DPP6: variants seen among roughly 807,000 people sequenced by gnomAD.
DPP6 encodes the protein dipeptidyl peptidase like 6.
A neutral mutation model predicts 122.6 loss-of-function variants in DPP6; 69 were observed. The observed-to-expected ratio is 0.56, with a 90% CI of 0.46 to 0.69. The LOEUF (loss-of-function observed/expected upper bound fraction) is 0.69, where lower values mean the gene tolerates loss of function less well. DPP6 is among the 30% of genes least tolerant of loss of function. The pLI is 0.00. For synonymous variants in DPP6, 418 were observed against 433.1 expected (o/e 0.97, Z 0.43); for missense variants, 928 against 1,116.9 (o/e 0.83, Z 2.41).
intron 1 of DPP6, among the ~76,000 whole-genome samples, chr7:154,114,268 C>T (rs2069194345): frequency 6.6e-6 from 1 of 152,084 alleles, no homozygotes; most frequent in Admixed American, 6.6e-5. Context: ...TTATCCATGG[C>T]AGAATCATGG....
At chr7:154,449,324 T>C (rs1398322814) in intron 2 of DPP6, among the ~76,000 whole-genome samples, 1 of 152,140 alleles carries the variant, frequency 6.6e-6, no homozygotes, top group African/African-American at 2.4e-5. Context: ...TATGAAAAGA[T>C]GCTCAACATC....
Position 154,454,001 on chromosome 7 carries a change from A to AT in DPP6, c.358+7682dup, listed in dbSNP as rs776161590. Among the ~76,000 whole-genome samples the AT allele has an allele frequency of 4.0e-3, 600 of 151,634 alleles. 5 individuals carry two copies. The highest frequency in any genetic ancestry group is 4.7e-3 in the Non-Finnish European group (316 of 67,876). ...CATAAAAAGTAATGCATACCTCCTA[A>AT]TTTTTTTTTGTCTTGTAGAAATAGA... On this transcript the variant is annotated intron_variant, in intron 2 of 25. Coordinates refer to ENST00000377770, the MANE Select transcript of DPP6 (RefSeq NM_130797.4).
chr7:154,725,913 C>G (rs770840480), intron 7 of DPP6, among the ~76,000 whole-genome samples: 1 of 152,102 alleles, frequency 6.6e-6, no homozygotes. Flanking sequence ...AGAAACTGGC[C>G]AAAACAAAGG....
At chr7:154,641,151 C>T (rs1363915255) in intron 6 of DPP6, among the ~76,000 whole-genome samples, 1 of 152,164 alleles carries the variant, frequency 6.6e-6, no homozygotes, top group African/African-American at 2.4e-5. Flanking sequence ...GCTGTGACCT[C>T]TATAGCTGGG....
chr7:154,646,357 C>A (rs1316246098), intron 6 of DPP6, among the ~76,000 whole-genome samples: 1 of 152,086 alleles, frequency 6.6e-6, no homozygotes, highest in African/African-American at 2.4e-5. Context: ...CTCCCAAACC[C>A]GGAATGTGTT....
chr7:154,584,599 G>A (rs879387643), intron 5 of DPP6, among the ~76,000 whole-genome samples: 2 of 152,216 alleles, frequency 1.3e-5, no homozygotes, highest in African/African-American at 2.4e-5. Context: ...TGTTTGCCAC[G>A]TCGCTCGGGA....
At chr7:154,216,112 T>C (rs1799979711) in intron 1 of DPP6, among the ~76,000 whole-genome samples, 1 of 152,154 alleles carries the variant, frequency 6.6e-6, no homozygotes, top group Non-Finnish European at 1.5e-5. Context: ...TCTCTGAGCA[T>C]CTGAACAGAG....
At chr7:154,767,450 G>C (rs1456540400) in intron 8 of DPP6, among the ~76,000 whole-genome samples, 2 of 152,136 alleles carry the variant, frequency 1.3e-5, no homozygotes, top group Non-Finnish European at 2.9e-5. Flanking sequence ...TCTGCATAAA[G>C]TCACTTCTGA....
chr7:154,364,177 A>T (rs1010186830), intron 1 of DPP6, among the ~76,000 whole-genome samples: 2 of 152,242 alleles, frequency 1.3e-5, no homozygotes, highest in Non-Finnish European at 2.9e-5. Flanking sequence ...CAAACTCATC[A>T]TAAGTATAAG....
intron 1 of DPP6, among the ~76,000 whole-genome samples, chr7:153,894,190 C>CAAGAATG (rs762208108): frequency 1.3e-5 from 2 of 152,124 alleles, no homozygotes; most frequent in Non-Finnish European, 2.9e-5. Context: ...TTGGGTATGA[C>CAAGAATG]AAGAATGACC....
chr7:154,884,683 AAGCACACATGATCACACAG>A (rs1805963451), intron 21 of DPP6: 1 of 148,852 alleles, frequency 6.7e-6, no homozygotes, highest in South Asian at 2.1e-4. Flanking sequence ...GCTCACACAC[AAGCACACATGATCACACAG>A]GCACACATGA....
rs980487643 is a variant in DPP6, at chr7:154,088,446, G to A, written c.243+35383G>A. 6.1e-5 allele frequency among the ~76,000 whole-genome samples: 9 copies of A among 147,582 alleles called. No individual in the cohort carries two copies. In the South Asian group the frequency reaches 8.8e-4, roughly 14 times the overall value. On this transcript the variant is annotated intron_variant, in intron 1 of 25. Transcript: ENST00000377770. ...TTGGCTTCCAAACACCATGACTTGC[G>A]GGAGCCCCGTTCCCTGCTCATCAGT...
chr7:154,314,804 T>A (rs1321148076), intron 1 of DPP6, among the ~76,000 whole-genome samples: 1 of 152,058 alleles, frequency 6.6e-6, no homozygotes, highest in Non-Finnish European at 1.5e-5. Context: ...AAATATAATA[T>A]GCCAAGAAGA....
the DPP6 span, among the ~76,000 whole-genome samples, chr7:153,804,301 C>G: frequency 6.6e-6 from 1 of 152,088 alleles, no homozygotes; most frequent in African/African-American, 2.4e-5. Context: ...ATCCACCTGC[C>G]TTGGCCTCCC....
At chr7:154,302,362 C>T (rs1274971929) in intron 1 of DPP6, among the ~76,000 whole-genome samples, 4 of 152,194 alleles carry the variant, frequency 2.6e-5, no homozygotes, top group East Asian at 1.9e-4. Context: ...CAGGATATCT[C>T]GCTCTTTTGT....
At chr7:154,122,513 C>G (rs1585422167) in intron 1 of DPP6, among the ~76,000 whole-genome samples, 1 of 152,232 alleles carries the variant, frequency 6.6e-6, no homozygotes, top group Non-Finnish European at 1.5e-5. Flanking sequence ...CTATCACTTA[C>G]TAGCTGAGTG....
At chr7:153,852,918 TAAGG>T in the DPP6 span, among the ~76,000 whole-genome samples, 1 of 152,146 alleles carries the variant, frequency 6.6e-6, no homozygotes, top group African/African-American at 2.4e-5. Flanking sequence ...TCAGTAAAAT[TAAGG>T]AAGAGAACGG....
At chr7:154,817,438 T>C (rs1010481168) in intron 16 of DPP6, among the ~76,000 whole-genome samples, 4 of 152,170 alleles carry the variant, frequency 2.6e-5, no homozygotes, top group African/African-American at 9.7e-5. Context: ...GTGATTGATA[T>C]ATGATGTCAT....
intron 1 of DPP6, among the ~76,000 whole-genome samples, chr7:153,975,894 T>C (rs1181130226): frequency 6.6e-6 from 1 of 152,248 alleles, no homozygotes. Flanking sequence ...CCTCAGTCTT[T>C]CCATGTGTAG....
Sources: gnomAD v4.1 joint callset for allele counts (sites outside exome capture counted in the v4.1 genomes callset) on GRCh38, gnomAD v4.1.1 for gene constraint, MANE v1.5 for transcripts, NCBI Gene and HGNC (gene_info 2026-07-23, HGNC 2026-07-21) for gene names.